LHPP: variants seen among roughly 807,000 people sequenced by gnomAD.
LHPP encodes phospholysine phosphohistidine inorganic pyrophosphate phosphatase.
LHPP carries 24 observed loss-of-function variants against 30.3 expected under a neutral mutation model. The observed-to-expected ratio is 0.79, with a 90% CI of 0.57 to 1.11. The LOEUF (loss-of-function observed/expected upper bound fraction) is 1.11, where lower values mean the gene tolerates loss of function less well. Among genes scored for constraint, LHPP ranks in the 50% most tolerant of loss-of-function variants. LHPP has a pLI of 0.00. For missense variants in LHPP, 356 were observed against 367.2 expected, an observed-to-expected ratio of 0.97 and a Z score of 0.25; for synonymous variants, 150 against 157.1, an observed-to-expected ratio of 0.95 and a Z score of 0.34.
intron 6 of LHPP, among the ~76,000 whole-genome samples, chr10:124,528,425 C>A (rs182237791): frequency 4.6e-5 from 7 of 152,116 alleles, no homozygotes; most frequent in Admixed American, 4.6e-4. Flanking sequence ...ATGGTGCGAT[C>A]TTGGCTCATT....
rs1187625156 is a variant in LHPP, at chr10:124,496,621, C to T, written c.468-340C>T. Among the ~76,000 whole-genome samples the T allele has an allele frequency of 6.6e-6, 1 of 152,228 alleles. No homozygotes were observed. Among genetic ancestry groups the T allele is most frequent in the Non-Finnish European group, 1.5e-5 (1 of 68,036 alleles). Reference sequence around the variant, plus strand: ...CCCAGGACACAGGTCACTTGTCATTCTCTGTGTTAGCAACTGAAACCGTCT... The same window carrying T: ...CCCAGGACACAGGTCACTTGTCATTTTCTGTGTTAGCAACTGAAACCGTCT... On this transcript the variant is annotated intron_variant, in intron 3 of 6. Coordinates refer to ENST00000368842, the MANE Select transcript of LHPP (RefSeq NM_022126.4). The surrounding 1 kb of genome is among the most constrained non-coding windows in gnomAD (Gnocchi z 4.3).
At chr10:124,603,590 C>T (rs2362508) in intron 6 of LHPP, among the ~76,000 whole-genome samples, 140,691 of 152,080 alleles carry the variant, frequency 0.93, 65,284 homozygotes, top group East Asian at 1. Context: ...CAAGTGACTT[C>T]AAAGCCGCCC....
At chr10:124,500,211 G>A (rs1281474475) in intron 5 of LHPP, among the ~76,000 whole-genome samples, 2 of 151,886 alleles carry the variant, frequency 1.3e-5, no homozygotes, top group South Asian at 2.1e-4. Context: ...GGTGGCCCAC[G>A]CCTGTAATCC....
At chr10:124,575,633 T>C (rs1449117605) in intron 6 of LHPP, among the ~76,000 whole-genome samples, 1 of 152,146 alleles carries the variant, frequency 6.6e-6, no homozygotes, top group Non-Finnish European at 1.5e-5. Context: ...CAGAGACCTC[T>C]GTAGGCGTCT....
intron 2 of LHPP, among the ~76,000 whole-genome samples, chr10:124,486,630 G>C (rs972624151): frequency 6.6e-6 from 1 of 152,232 alleles, no homozygotes; most frequent in Non-Finnish European, 1.5e-5. Flanking sequence ...GGGAAGCATT[G>C]GCCACCAGGG....
intron 6 of LHPP, among the ~76,000 whole-genome samples, chr10:124,551,144 G>C (rs1176863412): frequency 6.6e-6 from 1 of 152,170 alleles, no homozygotes; most frequent in Non-Finnish European, 1.5e-5. Context: ...CCATGAAGTT[G>C]GGGTTCCTGG....
intron 6 of LHPP, among the ~76,000 whole-genome samples, chr10:124,551,631 G>A (rs1381855724): frequency 6.6e-6 from 1 of 152,184 alleles, no homozygotes; most frequent in Admixed American, 6.5e-5. Context: ...CCATGCGGAG[G>A]GGCCAGGGTC....
intron 5 of LHPP, among the ~76,000 whole-genome samples, chr10:124,504,627 G>A (rs1954009179): frequency 6.6e-6 from 1 of 150,950 alleles, no homozygotes; most frequent in African/African-American, 2.4e-5. Context: ...AAAGCAAGAA[G>A]GAAGGAAGGA....
chr10:124,601,312 T>G (rs1949017353), intron 6 of LHPP, among the ~76,000 whole-genome samples: 1 of 152,124 alleles, frequency 6.6e-6, no homozygotes, highest in Admixed American at 6.5e-5. Flanking sequence ...TGTCGGCCCA[T>G]ATTGTGGGAT....
rs1589827011 is a variant in LHPP at position 124,523,243 on chromosome 10, G to A, written c.716+5972G>A. On this transcript the variant is annotated intron_variant, in intron 6 of 6. Transcript: ENST00000368842. This position sits in a 1 kb window ranked among gnomAD's most constrained non-coding sequence, Gnocchi z 4.2. ...TCGGAGAGGGAAAGTTTCCTGGACC[G>A]TGATTCCCGACATCCTGCAAGGTCC... Among the ~76,000 whole-genome samples, 1 of 152,358 alleles carries A rather than the reference G, an allele frequency of 6.6e-6. No homozygotes were observed. Among genetic ancestry groups the A allele is most frequent in the Non-Finnish European group, 1.5e-5 (1 of 68,038 alleles).
chr10:124,466,343 C>T (rs759199727), intron 1 of LHPP, among the ~76,000 whole-genome samples: 10 of 152,140 alleles, frequency 6.6e-5, no homozygotes, highest in East Asian at 1.9e-4. Flanking sequence ...ACTGGAAGGA[C>T]GCAGGCTGCT....
intron 5 of LHPP, among the ~76,000 whole-genome samples, chr10:124,508,579 T>C (rs1798600769): frequency 6.7e-6 from 1 of 148,212 alleles, no homozygotes; most frequent in African/African-American, 2.4e-5. Flanking sequence ...GAGTTTTTTC[T>C]CCCTTGGAGG....
In LHPP at chr10:124,613,318, C is replaced by T. The variant is rs777137190; in HGVS notation, c.771C>T (p.Leu257=). The part of the protein sequence containing the change: ...EVKADGYVDN[L]AEAVDLLLQH... ...AGGCTGATGGGTACGTGGACAACCT[C>T]GCAGAGGCAGTGGACCTGCTGCTGC... The change falls in exon 7 of 7, where the codon CTC becomes CTT. Residue 257 remains leucine (L), a synonymous_variant. Coordinates refer to ENST00000368842, the MANE Select transcript of LHPP (RefSeq NM_022126.4). The T allele has an allele frequency of 3.2e-5, 52 of 1,613,466 alleles. No individual in the cohort carries two copies. The South Asian group carries it at 4.3e-4, about 13-fold the overall frequency.
chr10:124,585,549 A>G (rs12765077), intron 6 of LHPP, among the ~76,000 whole-genome samples: 20,135 of 151,122 alleles, frequency 0.13, 1,792 homozygotes, highest in Non-Finnish European at 0.2. Context: ...CAGGAGATGG[A>G]GGTTGCAGTG....
intron 6 of LHPP, among the ~76,000 whole-genome samples, chr10:124,587,868 C>T (rs533174107): frequency 3.9e-5 from 6 of 151,928 alleles, no homozygotes; most frequent in African/African-American, 9.7e-5. Flanking sequence ...CAGATGAGGA[C>T]GTGGAGGCCC....
intron 5 of LHPP, among the ~76,000 whole-genome samples, chr10:124,500,679 G>A (rs750126588): frequency 2.6e-4 from 40 of 151,492 alleles, no homozygotes; most frequent in Non-Finnish European, 4.1e-4. Flanking sequence ...AGGAAATGCA[G>A]ATCAAAACTC....
At position 124,592,663 on chromosome 10, in the gene LHPP, C is replaced by T. The variant is rs74898957; in HGVS notation, c.717-20601C>T. On this transcript the variant is annotated intron_variant, in intron 6 of 6. Transcript: ENST00000368842. This position sits in a 1 kb window ranked among gnomAD's most constrained non-coding sequence, Gnocchi z 6.2. ...GCTGTGGAGCTGCCTCCAGGCCTTC[C>T]CGGAGGCCCCATGGCTGTCTTACTT... Among the ~76,000 whole-genome samples the T allele has an allele frequency of 0.019, 2,957 of 152,316 alleles. 89 individuals carry two copies. The highest frequency in any genetic ancestry group is 0.068 in the African/African-American group (2,806 of 41,568).
intron 6 of LHPP, among the ~76,000 whole-genome samples, chr10:124,533,870 G>A (rs1954955314): frequency 6.6e-6 from 1 of 152,244 alleles, no homozygotes; most frequent in Non-Finnish European, 1.5e-5. Flanking sequence ...AGGGGTGCGC[G>A]AGGAGGACTC....
intron 5 of LHPP, among the ~76,000 whole-genome samples, chr10:124,509,738 A>T (rs1954253439): frequency 6.6e-6 from 1 of 151,856 alleles, no homozygotes; most frequent in African/African-American, 2.4e-5. Flanking sequence ...ATCTCAGGGC[A>T]TCTCCCTGGG....
Sources: gnomAD v4.1 joint callset for allele counts (sites outside exome capture counted in the v4.1 genomes callset) on GRCh38, gnomAD v4.1.1 for gene constraint, Gnocchi (gnomAD v3.1) non-coding constraint, MANE v1.5 for transcripts, NCBI Gene and HGNC (gene_info 2026-07-23, HGNC 2026-07-21) for gene names.